Variants in COL19A1 observed in about 807,000 individuals in gnomAD.
The protein encoded by COL19A1 is collagen alpha-1(XIX) chain.
COL19A1 carries 159 observed loss-of-function variants against 190.2 expected under a neutral mutation model. The observed-to-expected ratio is 0.84, with a 90% CI of 0.73 to 0.95. The LOEUF is 0.95. COL19A1 is among the 40% of genes least tolerant of loss of function. COL19A1 has a pLI of 0.00. For synonymous variants in COL19A1, 509 were observed against 458.9 expected (o/e 1.11, Z -1.39); for missense variants, 1,418 against 1,431.9 (o/e 0.99, Z 0.16).
chr6:70,174,629 C>T (rs1030957269), intron 41 of COL19A1, among the ~76,000 whole-genome samples: 4 of 151,862 alleles, frequency 2.6e-5, no homozygotes, highest in Non-Finnish European at 4.4e-5. Flanking sequence ...CAGGTAAAGA[C>T]ACAGAATAGG....
chr6:70,106,116 G>A (rs1783943506), intron 16 of COL19A1, among the ~76,000 whole-genome samples: 1 of 152,066 alleles, frequency 6.6e-6, no homozygotes, highest in South Asian at 2.1e-4. Context: ...GTTATTCGGG[G>A]GAGTGTCAGT....
At chr6:69,998,419 C>T (rs1046097380) in intron 11 of COL19A1, among the ~76,000 whole-genome samples, 1 of 151,616 alleles carries the variant, frequency 6.6e-6, no homozygotes, top group South Asian at 2.1e-4. Context: ...CCAAGGTGGG[C>T]GGATCACCTG....
chr6:70,128,665 G>A (rs1389968172), intron 17 of COL19A1, among the ~76,000 whole-genome samples: 1 of 152,192 alleles, frequency 6.6e-6, no homozygotes, highest in Non-Finnish European at 1.5e-5. Flanking sequence ...AGGCAAGGAA[G>A]ACATTATTCA....
At chr6:70,010,498 T>G (rs1192314264) in intron 11 of COL19A1, among the ~76,000 whole-genome samples, 5 of 142,484 alleles carry the variant, frequency 3.5e-5, no homozygotes, top group South Asian at 2.2e-4. Flanking sequence ...GGCCAGTGTG[T>G]GTGCGCACCG....
At chr6:69,897,076 A>G (rs184411615) in intron 2 of COL19A1, among the ~76,000 whole-genome samples, 2 of 152,196 alleles carry the variant, frequency 1.3e-5, no homozygotes, top group Admixed American at 1.3e-4. Context: ...GTTCATGAAG[A>G]CTTTGTTGTC....
chr6:70,141,967 A>G, intron 21 of COL19A1, 39 bp downstream of exon 21: 2 of 1,609,926 alleles, frequency 1.2e-6, no homozygotes, highest in South Asian at 1.1e-5. Context: ...CTCCAACCTT[A>G]ATGAGATTAT....
intron 11 of COL19A1, among the ~76,000 whole-genome samples, chr6:69,990,531 CT>C (rs1457340317): frequency 1.3e-5 from 2 of 152,096 alleles, no homozygotes; most frequent in African/African-American, 2.4e-5. Context: ...TTTCCTCCCC[CT>C]CTCTGTCATT....
intron 15 of COL19A1, chr6:70,098,513 T>C (rs1391283954): frequency 2.1e-6 from 1 of 474,046 alleles, no homozygotes; most frequent in Non-Finnish European, 4.2e-6. Context: ...CCTGGTATTA[T>C]TTCATCTTTA....
chr6:69,965,710 G>C (rs1323437490), intron 11 of COL19A1, among the ~76,000 whole-genome samples: 1 of 152,200 alleles, frequency 6.6e-6, no homozygotes, highest in East Asian at 1.9e-4. Flanking sequence ...GTGCTGACAT[G>C]ACTCTCTCAG....
chr6:69,957,557 G>GA (rs201758664), intron 9 of COL19A1, among the ~76,000 whole-genome samples: 214 of 149,762 alleles, frequency 1.4e-3, no homozygotes, highest in Non-Finnish European at 1.9e-3. Context: ...ACCCCGTAAT[G>GA]AAAAAAAAAC....
chr6:70,068,447 C>G lies in COL19A1; in HGVS notation c.1195C>G (p.Gln399Glu). Residue 399 changes from glutamine (Q) to glutamate (E), a missense_variant, in exon 15 of 51, where the codon CAA (glutamine) becomes GAA (glutamate). Gln to Glu is a conservative substitution (Grantham distance 29, BLOSUM62 2). Coordinates refer to ENST00000620364, the MANE Select transcript of COL19A1 (RefSeq NM_001858.6). ...GGGTTCCCTGGGGATACAAGGCCCC[C>G]AAGGTCCACCTGGAAAAGAGGGTCA... ...LPGSLGIQGP[Q>E]GPPGKEGQRG... The G allele has an allele frequency of 6.2e-7, 1 of 1,601,104 alleles. No individual in the cohort carries two copies. The highest frequency in any genetic ancestry group is 8.6e-7 in the Non-Finnish European group (1 of 1,169,338).
At chr6:70,050,216 T>G (rs1582781238) in intron 14 of COL19A1, among the ~76,000 whole-genome samples, 1 of 152,080 alleles carries the variant, frequency 6.6e-6, no homozygotes, top group Admixed American at 6.5e-5. Context: ...AAATACTATT[T>G]AACTCTTAGC....
intron 11 of COL19A1, among the ~76,000 whole-genome samples, chr6:69,997,387 A>G (rs1776978911): frequency 6.6e-6 from 1 of 152,222 alleles, no homozygotes; most frequent in African/African-American, 2.4e-5. Context: ...CTGTAATCCC[A>G]ACAGAAGCTG....
At chr6:70,145,718 G>GTTTCT (rs1786588431) in intron 25 of COL19A1, among the ~76,000 whole-genome samples, 1 of 91,674 alleles carries the variant, frequency 1.1e-5, no homozygotes, top group Non-Finnish European at 2.2e-5. Flanking sequence ...TCATCTTATT[G>GTTTCT]TTTCTTTTTT....
rs756958438 is a variant in COL19A1 at position 70,142,045 on chromosome 6, C to T, written c.1541C>T (p.Pro514Leu). The change falls in exon 22 of 51, where the codon CCC (proline) becomes CTC (leucine). Residue 514 changes from proline (P) to leucine (L), a missense_variant. Coordinates refer to ENST00000620364, the MANE Select transcript of COL19A1 (RefSeq NM_001858.6). The stretch of plus-strand genomic sequence containing the variant: ...TAGGGTGAACCTGGAGATCCCGGAC[C>T]CCCTGGTTTAATAGGAAGCCCAGGA... Reference protein sequence around the residue: ...GVKGEPGDPGPPGLIGSPGLK... With the variant: ...GVKGEPGDPGLPGLIGSPGLK... The T allele has an allele frequency of 6.2e-7, 1 of 1,612,252 alleles. No homozygotes were observed. The highest frequency in any genetic ancestry group is 8.5e-7 in the Non-Finnish European group (1 of 1,178,868).
At chr6:69,969,467 C>T (rs373337379) in intron 11 of COL19A1, among the ~76,000 whole-genome samples, 9 of 151,812 alleles carry the variant, frequency 5.9e-5, no homozygotes, top group East Asian at 1.9e-4. Flanking sequence ...CCTGTGTTAT[C>T]GGCAGGTTGT....
intron 11 of COL19A1, among the ~76,000 whole-genome samples, chr6:69,999,086 G>T (rs942787455): frequency 2.0e-5 from 3 of 149,672 alleles, no homozygotes; most frequent in Non-Finnish European, 2.9e-5. Context: ...CACCACACTC[G>T]GATAATTGTT....
chr6:70,162,605 T>C (rs1479602347), intron 35 of COL19A1, among the ~76,000 whole-genome samples: 1 of 152,212 alleles, frequency 6.6e-6, no homozygotes, highest in East Asian at 1.9e-4. Flanking sequence ...TATAAGTTCA[T>C]CCCAAATATT....
chr6:69,898,997 CAACATA>C lies in COL19A1; in HGVS notation c.146_151del (p.Ile49_Asn50del), dbSNP rs758523673. On this transcript the variant is annotated inframe_deletion, in exon 3 of 51. Coordinates refer to ENST00000620364, the MANE Select transcript of COL19A1 (RefSeq NM_001858.6). ...TAGAGGGACATCAGCTGACATATGA[CAACATA>C]AACAAACTTGAAGTTTCAGGTAGGC... is the stretch of plus-strand genomic sequence containing the variant. 4.3e-6 allele frequency: 7 copies of C among 1,611,372 alleles called. No homozygotes were observed. Among genetic ancestry groups the C allele is most frequent in the South Asian group, 2.2e-5 (2 of 90,922 alleles).
Sources: gnomAD v4.1 joint callset for allele counts (sites outside exome capture counted in the v4.1 genomes callset) on GRCh38, gnomAD v4.1.1 for gene constraint, MANE v1.5 for transcripts, NCBI Gene and HGNC (gene_info 2026-07-23, HGNC 2026-07-21) for gene names.